Variants in KLHL1 observed in about 807,000 individuals in gnomAD.
KLHL1 encodes the protein kelch like family member 1, also known as kelch-like protein 1.
KLHL1 carries 47 observed loss-of-function variants against 77.7 expected under a neutral mutation model. That is an observed-to-expected ratio of 0.60 (90% CI 0.48 to 0.77). The LOEUF is 0.77. Ranked by LOEUF, KLHL1 falls within the 30% of genes least tolerant of loss-of-function variation. The probability of loss-of-function intolerance (pLI) is 0.00; values close to 1 mark genes in which losing one functional copy is unlikely to be tolerated. For missense variants in KLHL1, 925 were observed against 910.8 expected, an observed-to-expected ratio of 1.02 and a Z score of -0.20; for synonymous variants, 360 against 325.2, an observed-to-expected ratio of 1.11 and a Z score of -1.15.
rs138530191 is a variant in KLHL1 at position 69,881,687 on chromosome 13, A to G, written c.1227+596T>C. Among the ~76,000 whole-genome samples, 11 of 152,146 alleles carry G rather than the reference A, an allele frequency of 7.2e-5. 1 individual carries two copies. The highest frequency in any genetic ancestry group is 6.6e-5 in the Admixed American group (1 of 15,260). On this transcript the variant is annotated intron_variant, in intron 5 of 10. Transcript: ENST00000377844. ...GTTCTTATTAATTTTTCTGTACCCT[A>G]CTTAACTCATCGATAAAGTTAAGTT...
rs180745514 is a variant in KLHL1, at chr13:69,823,253, A to G, written c.1414+15723T>C. On this transcript the variant is annotated intron_variant, in intron 6 of 10. Coordinates refer to ENST00000377844, the MANE Select transcript of KLHL1 (RefSeq NM_020866.3). Reference sequence around the variant, plus strand: ...CAGCATGTACCTCAAAATGTCTCAGAGAAATAGGAAATGTTATTACTCTCA... The same window carrying G: ...CAGCATGTACCTCAAAATGTCTCAGGGAAATAGGAAATGTTATTACTCTCA... Among the ~76,000 whole-genome samples, 6 of 152,276 alleles carry G rather than the reference A, an allele frequency of 3.9e-5. No individual in the cohort carries two copies. In the East Asian group the frequency reaches 1.2e-3, roughly 29 times the overall value.
intron 3 of KLHL1, among the ~76,000 whole-genome samples, chr13:69,944,409 G>A (rs1441512466): frequency 1.3e-5 from 2 of 152,184 alleles, no homozygotes; most frequent in Non-Finnish European, 2.9e-5. Flanking sequence ...CCCATAGGTA[G>A]TTTACCTTTT....
At chr13:69,797,019 G>T in intron 6 of KLHL1, 57 bp from the exon 7 acceptor site, 1 of 1,385,668 alleles carries the variant, frequency 7.2e-7, no homozygotes, top group Non-Finnish European at 1.0e-6. Context: ...CAAACAGCCT[G>T]CCAAAGCAGG....
At chr13:69,966,158 A>G (rs1416310703) in intron 2 of KLHL1, among the ~76,000 whole-genome samples, 4 of 152,186 alleles carry the variant, frequency 2.6e-5, no homozygotes, top group African/African-American at 4.8e-5. Context: ...AGTGTTGACC[A>G]TATATATAAA....
At chr13:69,954,927 A>G (rs200570961) in intron 3 of KLHL1, among the ~76,000 whole-genome samples, 2 of 143,288 alleles carry the variant, frequency 1.4e-5, no homozygotes, top group Admixed American at 1.5e-4. Flanking sequence ...TATTTTTATT[A>G]CTTTTATTTT....
At chr13:69,727,324 T>C (rs1295323964) in intron 8 of KLHL1, among the ~76,000 whole-genome samples, 1 of 152,168 alleles carries the variant, frequency 6.6e-6, no homozygotes, top group Non-Finnish European at 1.5e-5. Flanking sequence ...GGTTTGTTTA[T>C]CAATCTAGAG....
At chr13:70,039,830 G>A (rs146910673) in intron 1 of KLHL1, among the ~76,000 whole-genome samples, 2 of 151,554 alleles carry the variant, frequency 1.3e-5, no homozygotes, top group African/African-American at 2.4e-5. Flanking sequence ...TAGTACAGAT[G>A]GGTTTTCACC....
rs551630605 is a variant in KLHL1, at chr13:70,053,894, C to T, written c.497+53309G>A. Among the ~76,000 whole-genome samples, 18 of 152,200 alleles carry T rather than the reference C, an allele frequency of 1.2e-4. No individual in the cohort carries two copies. The South Asian group carries it at 3.1e-3, about 26-fold the overall frequency. ...CCTTCTTACTGTCCAATAGGGAATG[C>T]GTCTACCTACTTTCTTGCTGCTACC... On this transcript the variant is annotated intron_variant, in intron 1 of 10. Transcript: ENST00000377844.
chr13:69,788,266 G>A (rs1411985102), intron 7 of KLHL1, among the ~76,000 whole-genome samples: 2 of 152,312 alleles, frequency 1.3e-5, no homozygotes, highest in East Asian at 3.9e-4. Context: ...CAACCCAAAT[G>A]TTCATCAATG....
At chr13:69,868,343 T>C (rs1261150227) in intron 5 of KLHL1, among the ~76,000 whole-genome samples, 2 of 152,050 alleles carry the variant, frequency 1.3e-5, no homozygotes, top group Non-Finnish European at 2.9e-5. Flanking sequence ...AATATAAACA[T>C]GGTAAAATCA....
intron 5 of KLHL1, among the ~76,000 whole-genome samples, chr13:69,858,275 T>C (rs926248836): frequency 2.6e-5 from 4 of 152,008 alleles, no homozygotes; most frequent in Non-Finnish European, 4.4e-5. Flanking sequence ...GGAGAAAGAC[T>C]GGGGGTTGGG....
intron 6 of KLHL1, among the ~76,000 whole-genome samples, chr13:69,815,602 A>G (rs1275848576): frequency 2.0e-5 from 3 of 152,206 alleles, no homozygotes; most frequent in Non-Finnish European, 4.4e-5. Context: ...ATCATCCATC[A>G]GGTACTATGT....
intron 4 of KLHL1, among the ~76,000 whole-genome samples, chr13:69,924,284 G>A (rs1178873693): frequency 6.6e-6 from 1 of 152,182 alleles, no homozygotes; most frequent in Non-Finnish European, 1.5e-5. Context: ...TGAAGCCTGA[G>A]GGCTGTGCTG....
intron 4 of KLHL1, among the ~76,000 whole-genome samples, chr13:69,906,723 C>T (rs1882057133): frequency 1.3e-5 from 2 of 151,844 alleles, no homozygotes; most frequent in Admixed American, 6.6e-5. Context: ...TATATTCTGA[C>T]TTTTCTACAT....
intron 1 of KLHL1, among the ~76,000 whole-genome samples, chr13:70,032,032 G>C (rs925090744): frequency 6.6e-6 from 1 of 152,136 alleles, no homozygotes; most frequent in African/African-American, 2.4e-5. Flanking sequence ...TGTTACAAAG[G>C]CATGGGCAAG....
chr13:69,777,856 TTACTTATCA>T (rs1875913339), intron 7 of KLHL1, among the ~76,000 whole-genome samples: 2 of 152,138 alleles, frequency 1.3e-5, no homozygotes, highest in Admixed American at 6.5e-5. Flanking sequence ...ATACAATACC[TTACTTATCA>T]TTTTATTCTG....
chr13:69,906,690 T>C, intron 4 of KLHL1, among the ~76,000 whole-genome samples: 1 of 151,942 alleles, frequency 6.6e-6, no homozygotes, highest in Non-Finnish European at 1.5e-5. Flanking sequence ...TAGAATAGCA[T>C]GCTAACAAAA....
intron 6 of KLHL1, among the ~76,000 whole-genome samples, chr13:69,810,485 C>A (rs1432151609): frequency 1.3e-5 from 2 of 151,762 alleles, no homozygotes; most frequent in Non-Finnish European, 2.9e-5. Flanking sequence ...TTTTAAAAAA[C>A]AAATGAAAAT....
At chr13:69,908,356 A>G (rs926160402) in intron 4 of KLHL1, among the ~76,000 whole-genome samples, 1 of 151,736 alleles carries the variant, frequency 6.6e-6, no homozygotes, top group Non-Finnish European at 1.5e-5. Context: ...TACTAGAGTA[A>G]TTTATGTTTG....
Sources: allele counts gnomAD v4.1 joint callset (sites outside exome capture counted in the v4.1 genomes callset), GRCh38; gene constraint gnomAD v4.1.1; transcripts MANE v1.5; gene names NCBI Gene and HGNC (gene_info 2026-07-23, HGNC 2026-07-21).